The following HELZ variants were observed in gnomAD, a reference collection of about 807,000 sequenced individuals.
HELZ encodes helicase with zinc finger.
In HELZ, 23 loss-of-function variants were observed where a neutral mutation model predicts 218.2. The ratio of observed to expected loss-of-function variants is 0.11; its 90% CI spans 0.08 to 0.15. The LOEUF is 0.15. Ranked by LOEUF, HELZ falls within the 10% of genes least tolerant of loss-of-function variation. The pLI is 1.00. For synonymous variants in HELZ, 814 were observed against 829.4 expected (o/e 0.98, Z 0.32); for missense variants, 1,813 against 2,353.7 (o/e 0.77, Z 4.75).
intron 23 of HELZ, among the ~76,000 whole-genome samples, chr17:67,129,334 G>A (rs1285238344): frequency 4.0e-5 from 6 of 151,636 alleles, no homozygotes; most frequent in South Asian, 2.1e-4. Context: ...ATACACGCAT[G>A]TATATGTGTA....
chr17:67,167,632 T>C lies in HELZ; in HGVS notation c.1595A>G (p.Asn532Ser), dbSNP rs112123052. Residue 532 changes from asparagine (N) to serine (S), a missense_variant, in exon 14 of 33, where the codon AAT becomes AGT. Coordinates refer to ENST00000358691, the MANE Select transcript of HELZ (RefSeq NM_014877.4). Reference sequence around the variant, plus strand: ...AGGGACTGGTAATAAATAAACAGCATTGACTTTGGTCATCACCAGTCGTCC... The same window carrying C: ...AGGGACTGGTAATAAATAAACAGCACTGACTTTGGTCATCACCAGTCGTCC... ...LAGRLVMTKV[N>S]AVYLLPVPKQ... 1.9e-5 allele frequency: 30 copies of C among 1,614,072 alleles called. No individual in the cohort carries two copies. Among genetic ancestry groups the C allele is most frequent in the South Asian group, 1.6e-4 (15 of 91,094 alleles).
In HELZ at chr17:67,070,800, A is replaced by G. The variant is rs1323744223; in HGVS notation, c.*7452T>C. ...GAAAAAAAATTGTTATAATTTTGCC[A>G]TAAGTTATGCCTATTTAGATGGCTG... On this transcript the variant is annotated 3_prime_UTR_variant, in exon 33 of 33. Transcript: ENST00000358691. 6.6e-6 allele frequency: 1 copy of G among 152,216 alleles called. No homozygotes were observed. Among genetic ancestry groups the G allele is most frequent in the Non-Finnish European group, 1.5e-5 (1 of 68,046 alleles). The allele number at this position is 152,216 out of a possible 1,614,324, so 9.4% of individuals were successfully genotyped here.
At chr17:67,084,037 ATAAATCTC>A (rs968393775) in intron 32 of HELZ, among the ~76,000 whole-genome samples, 9 of 152,254 alleles carry the variant, frequency 5.9e-5, no homozygotes, top group Admixed American at 5.9e-4. Flanking sequence ...AGCTCAAGAA[ATAAATCTC>A]TAACTTCAGT....
At chr17:67,114,580 A>G (rs1353537052) in intron 27 of HELZ, among the ~76,000 whole-genome samples, 177 bp from the exon 28 acceptor site, 1 of 152,228 alleles carries the variant, frequency 6.6e-6, no homozygotes, top group Admixed American at 6.5e-5. Flanking sequence ...TCTCTGCAAG[A>G]AAGAAAACTT....
At chr17:67,231,695 G>C (rs886700203) in intron 3 of HELZ, among the ~76,000 whole-genome samples, 3 of 151,898 alleles carry the variant, frequency 2.0e-5, no homozygotes, top group Non-Finnish European at 4.4e-5. Context: ...TGGGTAAAGA[G>C]TTTATGAGAA....
chr17:67,134,721 A>G (rs1039324458), intron 23 of HELZ, among the ~76,000 whole-genome samples: 1 of 152,056 alleles, frequency 6.6e-6, no homozygotes, highest in Admixed American at 6.5e-5. Context: ...AATAGATAAT[A>G]AAGTGCTGTC....
intron 3 of HELZ, among the ~76,000 whole-genome samples, chr17:67,231,936 C>G (rs1382413231): frequency 6.6e-6 from 1 of 150,840 alleles, no homozygotes; most frequent in Non-Finnish European, 1.5e-5. Context: ...GCCTGTAATC[C>G]CAGCTACTCA....
Position 67,114,304 on chromosome 17 carries a change from A to C in HELZ, c.3918+20T>G. 1 of 1,537,770 alleles carries C rather than the reference A, an allele frequency of 6.5e-7. No individual in the cohort carries two copies. Among genetic ancestry groups the C allele is most frequent in the East Asian group, 2.3e-5 (1 of 44,408 alleles). Reference sequence around the variant, plus strand: ...ATCAGACTAAATCCACTAGGACAACACAGTAACTAAGCAGCATACCTGTTT... The same window carrying C: ...ATCAGACTAAATCCACTAGGACAACCCAGTAACTAAGCAGCATACCTGTTT... On this transcript the variant is annotated intron_variant, in intron 28 of 32. Coordinates refer to ENST00000358691, the MANE Select transcript of HELZ (RefSeq NM_014877.4).
chr17:67,081,011 G>A (rs2036172067), intron 32 of HELZ, among the ~76,000 whole-genome samples: 1 of 152,200 alleles, frequency 6.6e-6, no homozygotes, highest in Admixed American at 6.5e-5. Context: ...GCTGAGTATG[G>A]CTAAGTAACT....
chr17:67,197,898 G>T (rs747853937), intron 7 of HELZ, among the ~76,000 whole-genome samples: 13 of 151,720 alleles, frequency 8.6e-5, no homozygotes, highest in Non-Finnish European at 1.9e-4. Flanking sequence ...TAAAACGAAG[G>T]GCTGAATATA....
chr17:67,130,998 G>A (rs937517275), intron 23 of HELZ, among the ~76,000 whole-genome samples: 10 of 152,028 alleles, frequency 6.6e-5, no homozygotes, highest in African/African-American at 2.2e-4. Context: ...CAAGCCTCTC[G>A]CCTCAGCCTC....
intron 13 of HELZ, chr17:67,176,269 G>A (rs556202415): frequency 6.6e-6 from 1 of 152,118 alleles, no homozygotes; most frequent in African/African-American, 2.4e-5. Flanking sequence ...TGGCAATAAG[G>A]TATTATAACT....
chr17:67,132,515 A>G (rs2038019699), intron 23 of HELZ, among the ~76,000 whole-genome samples: 1 of 152,240 alleles, frequency 6.6e-6, no homozygotes, highest in African/African-American at 2.4e-5. Context: ...AGTGAACCAC[A>G]TAATAGCTAT....
chr17:67,239,922 G>C (rs993799025), intron 2 of HELZ: 1 of 152,164 alleles, frequency 6.6e-6, no homozygotes, highest in Non-Finnish European at 1.5e-5. Context: ...CTCGTGAGTT[G>C]CTATGAGAAT....
rs2035872808 is a variant in HELZ at position 67,070,995 on chromosome 17, C to A, written c.*7257G>T. The A allele has an allele frequency of 6.6e-6, 1 of 152,022 alleles. No individual in the cohort carries two copies. The highest frequency in any genetic ancestry group is 6.6e-5 in the Admixed American group (1 of 15,266). The allele number at this position is 152,022 out of a possible 1,614,324, so 9.4% of individuals were successfully genotyped here. On this transcript the variant is annotated 3_prime_UTR_variant, in exon 33 of 33. Coordinates refer to ENST00000358691, the MANE Select transcript of HELZ (RefSeq NM_014877.4). Reference sequence around the variant, plus strand: ...TATGTATGAAGCATTAAAAAAAAATCCTGTGTCACTAATAACAGGACCCTT... The same window carrying A: ...TATGTATGAAGCATTAAAAAAAAATACTGTGTCACTAATAACAGGACCCTT...
intron 3 of HELZ, among the ~76,000 whole-genome samples, chr17:67,237,017 A>C (rs1225169086): frequency 1.3e-5 from 2 of 152,198 alleles, no homozygotes; most frequent in Non-Finnish European, 2.9e-5. Flanking sequence ...GTGGGAGACA[A>C]ATCATGCAAA....
At chr17:67,214,925 C>A (rs1372884861) in intron 5 of HELZ, among the ~76,000 whole-genome samples, 1 of 152,074 alleles carries the variant, frequency 6.6e-6, no homozygotes, top group East Asian at 1.9e-4. Flanking sequence ...GCAGGTGGAT[C>A]CCTTGAGCCC....
chr17:67,216,727 G>A (rs1180554292), intron 4 of HELZ, among the ~76,000 whole-genome samples: 1 of 152,028 alleles, frequency 6.6e-6, no homozygotes, highest in Admixed American at 6.5e-5. Flanking sequence ...CTGCATCCAT[G>A]TGGACCCACA....
At chr17:67,225,097 C>T in intron 3 of HELZ, 1 of 489,208 alleles carries the variant, frequency 2.0e-6, no homozygotes, top group Non-Finnish European at 3.7e-6. Context: ...TAAAAAATTA[C>T]ATATATATAT....
Sources: gnomAD v4.1 joint callset for allele counts (sites outside exome capture counted in the v4.1 genomes callset) on GRCh38, gnomAD v4.1.1 for gene constraint, MANE v1.5 for transcripts, NCBI Gene and HGNC (gene_info 2026-07-23, HGNC 2026-07-21) for gene names.